ROBO2: variants seen among roughly 807,000 people sequenced by gnomAD.
ROBO2 encodes the protein roundabout homolog 2.
Under a neutral mutation model 160.8 loss-of-function variants are expected in ROBO2, and 53 were observed. The ratio of observed to expected loss-of-function variants is 0.33; its 90% confidence interval spans 0.26 to 0.41. ROBO2 has a LOEUF of 0.41. Among genes scored for constraint, ROBO2 ranks in the 10% least tolerant of loss-of-function variants. The pLI, the probability that ROBO2 is intolerant of heterozygous loss-of-function variation, is 1.00. For synonymous variants in ROBO2, 664 were observed against 611.7 expected, an observed-to-expected ratio of 1.09 and a Z score of -1.26; for missense variants, 1,577 against 1,722.4, an observed-to-expected ratio of 0.92 and a Z score of 1.49.
At chr3:77,431,230 A>C (rs1195379790) in intron 2 of ROBO2, among the ~76,000 whole-genome samples, 1 of 152,202 alleles carries the variant, frequency 6.6e-6, no homozygotes, top group East Asian at 1.9e-4. Flanking sequence ...ACAATGTTAC[A>C]ATCCTCAAAA....
chr3:76,565,657 T>G (rs771881294), intron 2 of ROBO2, among the ~76,000 whole-genome samples: 3 of 152,224 alleles, frequency 2.0e-5, no homozygotes, highest in Non-Finnish European at 4.4e-5. Context: ...GGCCTTTACC[T>G]AATGAAGTAA....
At chr3:77,137,538 TC>T (rs1410340014) in intron 2 of ROBO2, among the ~76,000 whole-genome samples, 9 of 152,246 alleles carry the variant, frequency 5.9e-5, no homozygotes, top group Non-Finnish European at 1.2e-4. Context: ...ATATATAACA[TC>T]TTAAGCACAT....
intron 2 of ROBO2, among the ~76,000 whole-genome samples, chr3:76,036,692 C>T (rs928387553): frequency 2.8e-5 from 4 of 144,326 alleles, no homozygotes; most frequent in Admixed American, 6.9e-5. Flanking sequence ...TTAGTAGAGA[C>T]GGGATTTCTC....
intron 2 of ROBO2, among the ~76,000 whole-genome samples, chr3:77,370,232 C>T (rs2071536624): frequency 6.6e-6 from 1 of 152,166 alleles, no homozygotes; most frequent in African/African-American, 2.4e-5. Context: ...AAGTGCTTTG[C>T]TCTCCTTAGA....
At chr3:76,729,639 CTTT>C (rs11292819) in intron 2 of ROBO2, among the ~76,000 whole-genome samples, 20 of 136,068 alleles carry the variant, frequency 1.5e-4, no homozygotes, top group African/African-American at 1.7e-4. Flanking sequence ...CTCTCTCTCT[CTTT>C]TTTTTTTTTT....
chr3:77,025,497 A>T (rs2062908386), intron 2 of ROBO2, among the ~76,000 whole-genome samples: 1 of 152,218 alleles, frequency 6.6e-6, no homozygotes, highest in Admixed American at 6.5e-5. Flanking sequence ...TAACATGATA[A>T]CTAACAAAAG....
chr3:76,322,928 C>T (rs1002618138), intron 2 of ROBO2, among the ~76,000 whole-genome samples: 1 of 152,058 alleles, frequency 6.6e-6, no homozygotes, highest in East Asian at 1.9e-4. Flanking sequence ...AACAGAGACA[C>T]TGAATTTCTG....
In ROBO2 at chr3:77,502,908, T is replaced by C. The variant is rs1490725041; in HGVS notation, c.806+9526T>C. Among the ~76,000 whole-genome samples the C allele has an allele frequency of 5.3e-5, 8 of 152,154 alleles. No individual in the cohort carries two copies. The East Asian group carries it at 1.5e-3, about 29-fold the overall frequency. Reference sequence around the variant, plus strand: ...CCCAGTGGATACTGAGGGAGGACTATGTATACATCTAGAATGATGAACTCT... The same window carrying C: ...CCCAGTGGATACTGAGGGAGGACTACGTATACATCTAGAATGATGAACTCT... On this transcript the variant is annotated intron_variant, in intron 5 of 25. Coordinates refer to ENST00000461745, the Ensembl canonical transcript of ROBO2.
At chr3:76,361,095 G>A (rs1016779610) in intron 2 of ROBO2, among the ~76,000 whole-genome samples, 7 of 151,978 alleles carry the variant, frequency 4.6e-5, no homozygotes, top group Admixed American at 4.6e-4. Context: ...TGAAAACATT[G>A]TATTGTTTTC....
intron 2 of ROBO2, among the ~76,000 whole-genome samples, chr3:77,451,648 G>A (rs1283928581): frequency 6.6e-6 from 1 of 152,026 alleles, no homozygotes; most frequent in Non-Finnish European, 1.5e-5. Context: ...GCCAAAATGT[G>A]CAAAGTCTAG....
chr3:76,965,970 T>C (rs1256366080), intron 2 of ROBO2, among the ~76,000 whole-genome samples: 2 of 147,242 alleles, frequency 1.4e-5, no homozygotes, highest in African/African-American at 2.5e-5. Context: ...TTGCCCAGGC[T>C]GGAGTGCAAT....
Position 76,431,433 on chromosome 3 carries a change from A to G in ROBO2, c.109+493831A>G, listed in dbSNP as rs181115064. ...ACAAATGTGGCAATGCTTTAAATTT[A>G]TAAGAAAGACACTATAACATGTAGT... On this transcript the variant is annotated intron_variant, in intron 2 of 26. Transcript: ENST00000487694. 9.7e-4 allele frequency among the ~76,000 whole-genome samples: 148 copies of G among 152,288 alleles called. 1 individual carries two copies. The highest frequency in any genetic ancestry group is 3.5e-3 in the African/African-American group (146 of 41,580).
intron 2 of ROBO2, among the ~76,000 whole-genome samples, chr3:76,896,791 A>C (rs886434007): frequency 1.3e-5 from 2 of 152,168 alleles, no homozygotes; most frequent in Non-Finnish European, 2.9e-5. Flanking sequence ...AATTGAGCCC[A>C]TTGATTTTGA....
intron 2 of ROBO2, among the ~76,000 whole-genome samples, chr3:77,125,254 C>T (rs1302136187): frequency 6.6e-6 from 1 of 152,132 alleles, no homozygotes; most frequent in Non-Finnish European, 1.5e-5. Flanking sequence ...CAATCACAGT[C>T]ACATGAGTGT....
intron 2 of ROBO2, among the ~76,000 whole-genome samples, chr3:77,252,714 A>C (rs1337340614): frequency 6.8e-6 from 1 of 146,462 alleles, no homozygotes; most frequent in African/African-American, 2.5e-5. Flanking sequence ...AGGCTGAGGC[A>C]GGAGAATGGC....
chr3:77,095,048 T>C (rs1466997382), intron 1 of ROBO2, among the ~76,000 whole-genome samples: 1 of 152,144 alleles, frequency 6.6e-6, no homozygotes, highest in Non-Finnish European at 1.5e-5. Flanking sequence ...CTTTTTTTCT[T>C]TTGTTGCTTA....
intron 2 of ROBO2, among the ~76,000 whole-genome samples, chr3:76,744,915 A>G (rs1576372617): frequency 1.3e-5 from 2 of 152,288 alleles, no homozygotes; most frequent in East Asian, 3.9e-4. Context: ...TTTTCCCCTG[A>G]AAGTGTTCAA....
At chr3:77,021,679 A>G (rs1473080648) in intron 2 of ROBO2, among the ~76,000 whole-genome samples, 1 of 152,220 alleles carries the variant, frequency 6.6e-6, no homozygotes, top group Non-Finnish European at 1.5e-5. Context: ...GATACTCAGA[A>G]GGTGAGACCT....
At chr3:75,917,372 G>T (rs913030718) in intron 1 of ROBO2, among the ~76,000 whole-genome samples, 1 of 152,004 alleles carries the variant, frequency 6.6e-6, no homozygotes, top group African/African-American at 2.4e-5. Flanking sequence ...TGAACTCATC[G>T]TTTTTTATGG....
Sources: allele counts gnomAD v4.1 joint callset (sites outside exome capture counted in the v4.1 genomes callset), GRCh38; gene constraint gnomAD v4.1.1; transcripts MANE v1.5; gene names NCBI Gene and HGNC (gene_info 2026-07-23, HGNC 2026-07-21).